A2ML1: variants seen among roughly 807,000 people sequenced by gnomAD.
The protein encoded by A2ML1 is alpha-2-macroglobulin like 1.
In A2ML1, 161 loss-of-function variants were observed where a neutral mutation model predicts 181.9. The ratio of observed to expected loss-of-function variants is 0.89; its 90% CI spans 0.78 to 1.01. A2ML1 has a LOEUF of 1.01. A2ML1 is among the 50% of genes least tolerant of loss of function. The pLI is 0.00. For missense variants in A2ML1, 1,670 were observed against 1,768.1 expected (o/e 0.94, Z 1.00); for synonymous variants, 663 against 666.8 (o/e 0.99, Z 0.09).
intron 20 of A2ML1, among the ~76,000 whole-genome samples, chr12:8,853,113 G>T (rs1028127981): frequency 6.6e-6 from 1 of 152,072 alleles, no homozygotes; most frequent in Non-Finnish European, 1.5e-5. Flanking sequence ...TCTCACCTAG[G>T]CCTCCGGAGT....
chr12:8,839,074 A>G (rs1338504366), intron 9 of A2ML1, 39 bp from the exon 10 acceptor site: 2 of 1,343,614 alleles, frequency 1.5e-6, no homozygotes, highest in Admixed American at 1.9e-5. Flanking sequence ...TGAGAATATC[A>G]GGTGCCTAGA....
chr12:8,881,747 C>T (rs1296738021), downstream of A2ML1, among the ~76,000 whole-genome samples: 1 of 152,072 alleles, frequency 6.6e-6, no homozygotes, highest in Non-Finnish European at 1.5e-5. Flanking sequence ...TGTGGTGGCT[C>T]ACACCTGTAA....
chr12:8,857,744 A>G, intron 25 of A2ML1, 156 bp downstream of exon 25: 1 of 1,106,014 alleles, frequency 9.0e-7, no homozygotes, highest in Non-Finnish European at 1.3e-6. Flanking sequence ...TGGATGGTCA[A>G]GTCCCTCGAT....
At chr12:8,865,847 T>C (rs770917015) in intron 29 of A2ML1, among the ~76,000 whole-genome samples, 8 of 152,350 alleles carry the variant, frequency 5.3e-5, no homozygotes, top group Admixed American at 3.3e-4. Context: ...ATCTACCATG[T>C]CCAAATCACT....
chr12:8,844,275 T>A (rs937189277), intron 12 of A2ML1, among the ~76,000 whole-genome samples: 5 of 151,166 alleles, frequency 3.3e-5, no homozygotes, highest in African/African-American at 1.2e-4. Context: ...TTTTTTTTTT[T>A]TAATTTATAT....
chr12:8,886,688 G>C (rs1170590568), exon 8 of A2ML1: 3 of 152,142 alleles, frequency 2.0e-5, no homozygotes, highest in Non-Finnish European at 1.5e-5. Flanking sequence ...TTTGCCCATA[G>C]TGGCCTATCC....
downstream of A2ML1, among the ~76,000 whole-genome samples, chr12:8,877,066 A>G (rs1021247700): frequency 1.3e-5 from 2 of 152,224 alleles, no homozygotes; most frequent in Non-Finnish European, 2.9e-5. Context: ...TCTCTTCTGC[A>G]TGATTCTCCC....
chr12:8,829,934 C>T, intron 4 of A2ML1, 155 bp downstream of exon 4: 1 of 799,534 alleles, frequency 1.3e-6, no homozygotes, highest in Non-Finnish European at 2.0e-6. Context: ...GCTGGGCGAG[C>T]TTCAGGGAGC....
intron 4 of A2ML1, chr12:8,830,996 T>TG (rs1943094109): frequency 6.6e-6 from 1 of 151,832 alleles, no homozygotes; most frequent in Non-Finnish European, 1.5e-5. Context: ...TCACCTAGGC[T>TG]GGAGTGCAGT....
intron 29 of A2ML1, among the ~76,000 whole-genome samples, chr12:8,866,337 A>G (rs1347535168): frequency 2.1e-5 from 3 of 144,866 alleles, no homozygotes; most frequent in Non-Finnish European, 4.5e-5. Context: ...AAAAAGCACC[A>G]AGTTTAAATA....
chr12:8,857,769 G>T (rs1391251120), intron 25 of A2ML1, 177 bp from the exon 26 acceptor site: 1 of 1,101,636 alleles, frequency 9.1e-7, no homozygotes, highest in Non-Finnish European at 1.3e-6. Flanking sequence ...CTGAGCTTGT[G>T]CCTCCCCTGT....
At position 8,846,062 on chromosome 12, in the gene A2ML1, C is replaced by A; in HGVS notation, c.1538-15C>A. ...TGCATTCTGATTTTCCTGTATATTCCCTCTTCTCTTTCAGGACTGAAAGCC... is the reference window on the plus strand; with the variant it reads ...TGCATTCTGATTTTCCTGTATATTCACTCTTCTCTTTCAGGACTGAAAGCC... On this transcript the variant is annotated splice_polypyrimidine_tract_variant and intron_variant, in intron 13 of 35. Coordinates refer to ENST00000299698, the MANE Select transcript of A2ML1 (RefSeq NM_144670.6). 2 of 1,613,816 alleles carry A rather than the reference C, an allele frequency of 1.2e-6. No homozygotes were observed. The highest frequency in any genetic ancestry group is 1.7e-6 in the Non-Finnish European group (2 of 1,179,868).
intron 3 of A2ML1, 64 bp from the exon 4 acceptor site, chr12:8,829,663 A>G: frequency 6.5e-7 from 1 of 1,540,736 alleles, no homozygotes; most frequent in African/African-American, 1.4e-5. Context: ...TCAAAAAAAA[A>G]AAAAAAAAAA....
intron 29 of A2ML1, 145 bp from the exon 30 acceptor site, chr12:8,867,697 G>A (rs1424547690): frequency 3.0e-6 from 2 of 657,004 alleles, no homozygotes; most frequent in East Asian, 2.7e-5. Flanking sequence ...CTTCTCCAGA[G>A]GAGGTGGGTA....
At chr12:8,881,605 A>G (rs774489968), downstream of A2ML1, among the ~76,000 whole-genome samples, 2 of 152,356 alleles carry the variant, frequency 1.3e-5, no homozygotes, top group East Asian at 3.9e-4. Flanking sequence ...TACTTATGCC[A>G]AAGTGGCACA....
chr12:8,876,960 T>C (rs1944814970), downstream of A2ML1, among the ~76,000 whole-genome samples: 1 of 152,158 alleles, frequency 6.6e-6, no homozygotes, highest in South Asian at 2.1e-4. Context: ...ATTTTAATTA[T>C]GGGGCTCTGC....
intron 12 of A2ML1, among the ~76,000 whole-genome samples, chr12:8,844,660 T>C (rs991805446): frequency 1.3e-5 from 2 of 151,740 alleles, no homozygotes; most frequent in African/African-American, 4.8e-5. Flanking sequence ...CCCCTCTGGA[T>C]CATTGCAGTA....
At chr12:8,863,714 TA>T in intron 28 of A2ML1, 79 bp from the exon 29 acceptor site, 1 of 1,427,832 alleles carries the variant, frequency 7.0e-7, no homozygotes. Context: ...TACTCTGCTC[TA>T]AGATGCTGCA....
At chr12:8,826,890 G>T (rs746366769) in intron 3 of A2ML1, among the ~76,000 whole-genome samples, 9 of 152,166 alleles carry the variant, frequency 5.9e-5, no homozygotes, top group Non-Finnish European at 1.2e-4. Context: ...AAGTGCTGGG[G>T]TTACACGCGT....
Sources: allele counts gnomAD v4.1 joint callset (sites outside exome capture counted in the v4.1 genomes callset), GRCh38; gene constraint gnomAD v4.1.1; transcripts MANE v1.5; gene names NCBI Gene and HGNC (gene_info 2026-07-23, HGNC 2026-07-21).